Variants in TTC7A observed in about 807,000 individuals in gnomAD.
TTC7A encodes tetratricopeptide repeat protein 7A.
TTC7A carries 110 observed loss-of-function variants against 103.7 expected under a neutral mutation model. That is an observed-to-expected ratio of 1.06 (90% CI 0.91 to 1.24). The LOEUF (loss-of-function observed/expected upper bound fraction) is 1.24. TTC7A is among the 50% of genes most tolerant of loss of function. The pLI, the probability that TTC7A is intolerant of heterozygous loss-of-function variation, is 0.00. For synonymous variants in TTC7A, 521 were observed against 467.9 expected (o/e 1.11, Z -1.47); for missense variants, 1,340 against 1,116.3 (o/e 1.20, Z -2.86).
At chr2:47,022,170 AT>A in intron 12 of TTC7A, among the ~76,000 whole-genome samples, 191 bp downstream of exon 12, 1 of 151,956 alleles carries the variant, frequency 6.6e-6, no homozygotes, top group South Asian at 2.1e-4. Context: ...CCTCAGACCC[AT>A]TTCCACTGTT....
At chr2:46,929,232 C>G (rs1669566172) in intron 2 of TTC7A, among the ~76,000 whole-genome samples, 1 of 152,016 alleles carries the variant, frequency 6.6e-6, no homozygotes, top group Non-Finnish European at 1.5e-5. Flanking sequence ...GCATGTAATC[C>G]TAGCACTTTG....
rs1386777655 is a variant in TTC7A, at chr2:47,021,886, A to G, written c.1417A>G (p.Met473Val). The change falls in exon 12 of 20, where the codon ATG becomes GTG. Residue 473 changes from methionine (M) to valine (V), a missense_variant. Coordinates refer to ENST00000319190, the MANE Select transcript of TTC7A (RefSeq NM_020458.4). ...RWLEEAEHFA[M>V]MVISLGEEAG... is the part of the protein sequence containing the mutation. ...GCTAGAGGAAGCAGAGCACTTTGCCATGATGGTGATCAGCCTCGGAGAGGA... is the reference window on the plus strand; with the variant it reads ...GCTAGAGGAAGCAGAGCACTTTGCCGTGATGGTGATCAGCCTCGGAGAGGA... 2 of 1,614,154 alleles carry G rather than the reference A, an allele frequency of 1.2e-6. No individual in the cohort carries two copies. Among genetic ancestry groups the G allele is most frequent in the Non-Finnish European group, 8.5e-7 (1 of 1,179,980 alleles).
chr2:47,062,365 C>T (rs996329982), intron 19 of TTC7A, among the ~76,000 whole-genome samples: 1 of 152,214 alleles, frequency 6.6e-6, no homozygotes, highest in Non-Finnish European at 1.5e-5. Context: ...AATGTTCAGC[C>T]TCAAATGAAG....
rs192844951 is a variant in TTC7A, at chr2:47,063,892, G to T, written c.2355+2921G>T. On this transcript the variant is annotated intron_variant, in intron 19 of 19. Transcript: ENST00000319190. ...GCTGGGTTTGGCCCTGTAGTCCTTG[G>T]AGTGGGATTGGCAAGTGCCAAGAGG... 1.4e-3 allele frequency among the ~76,000 whole-genome samples: 214 copies of T among 152,370 alleles called. 3 individuals carry two copies. Among genetic ancestry groups the T allele is most frequent in the South Asian group, 4.3e-3 (21 of 4,830 alleles).
chr2:46,948,030 G>C (rs956314390), intron 1 of TTC7A, among the ~76,000 whole-genome samples: 2 of 152,186 alleles, frequency 1.3e-5, no homozygotes, highest in Non-Finnish European at 1.5e-5. Flanking sequence ...CAACCAAACA[G>C]CTCAACCAAG....
At chr2:47,024,600 TACA>T (rs1287651218) in intron 14 of TTC7A, among the ~76,000 whole-genome samples, 1 of 152,108 alleles carries the variant, frequency 6.6e-6, no homozygotes, top group Non-Finnish European at 1.5e-5. Flanking sequence ...TCACTCCCCC[TACA>T]ACATTTCAGT....
chr2:47,073,925 G>C lies in TTC7A; in HGVS notation c.*2G>C, dbSNP rs111657644. 1 of 1,608,052 alleles carries C rather than the reference G, an allele frequency of 6.2e-7. No homozygotes were observed. Among genetic ancestry groups the C allele is most frequent in the Non-Finnish European group, 8.5e-7 (1 of 1,177,018 alleles). On this transcript the variant is annotated 3_prime_UTR_variant, in exon 20 of 20. Coordinates refer to ENST00000319190, the MANE Select transcript of TTC7A (RefSeq NM_020458.4). ...TCCATCATCCCCAGAGAGCTCTGAC[G>C]ACGCTGCAGCCGCAGGGAGGGAGGG...
chr2:46,953,891 G>A (rs549151387), intron 2 of TTC7A, among the ~76,000 whole-genome samples: 11 of 151,256 alleles, frequency 7.3e-5, no homozygotes, highest in African/African-American at 2.7e-4. Context: ...TCAGATTCTG[G>A]GTTTCAAGCG....
At chr2:47,022,535 A>G (rs1035989046) in intron 12 of TTC7A, among the ~76,000 whole-genome samples, 1 of 152,182 alleles carries the variant, frequency 6.6e-6, no homozygotes, top group East Asian at 1.9e-4. Context: ...CAGCTCAGCC[A>G]TGTGTCTTAC....
intron 5 of TTC7A, among the ~76,000 whole-genome samples, chr2:46,982,551 C>G (rs1475687729): frequency 1.3e-5 from 2 of 152,266 alleles, no homozygotes; most frequent in Admixed American, 1.3e-4. Flanking sequence ...GTCCCTTGAG[C>G]TCTCTGAACC....
At chr2:46,981,897 C>G (rs1056593947) in intron 5 of TTC7A, among the ~76,000 whole-genome samples, 2 of 152,224 alleles carry the variant, frequency 1.3e-5, no homozygotes, top group African/African-American at 4.8e-5. Context: ...GAGGTCACTT[C>G]CAGGAGGCAG....
At chr2:47,046,867 C>T (rs1682379158) in intron 16 of TTC7A, 1 of 236,698 alleles carries the variant, frequency 4.2e-6, no homozygotes, top group East Asian at 1.1e-4. Context: ...ACTTGGGTCT[C>T]CTGAGTTCCA....
chr2:47,068,674 C>G (rs1394146143), intron 19 of TTC7A: 2 of 151,806 alleles, frequency 1.3e-5, no homozygotes, highest in African/African-American at 4.8e-5. Context: ...TCCCTACCCA[C>G]CTTATCCCTG....
chr2:47,015,551 T>A (rs1264506733), intron 11 of TTC7A, among the ~76,000 whole-genome samples: 1 of 152,156 alleles, frequency 6.6e-6, no homozygotes, highest in Non-Finnish European at 1.5e-5. Context: ...AGGGAGTAAT[T>A]TACCCTGTCT....
chr2:46,942,362 C>G (rs1036389508), intron 1 of TTC7A, among the ~76,000 whole-genome samples: 20 of 152,206 alleles, frequency 1.3e-4, no homozygotes, highest in Admixed American at 9.2e-4. Flanking sequence ...AACACCCCGC[C>G]CCAGTCTCTA....
intron 12 of TTC7A, among the ~76,000 whole-genome samples, chr2:47,022,802 C>T (rs1025463452): frequency 2.0e-5 from 3 of 152,168 alleles, no homozygotes; most frequent in Non-Finnish European, 4.4e-5. Flanking sequence ...AGACACCCTC[C>T]TTGTCCTTTT....
At chr2:47,060,455 T>G (rs2570514) in intron 18 of TTC7A, among the ~76,000 whole-genome samples, 103,025 of 152,046 alleles carry the variant, frequency 0.68, 35,640 homozygotes, top group Non-Finnish European at 0.74. Context: ...TAACAAAGGA[T>G]ACCCTGTCTC....
chr2:46,994,394 C>G lies in TTC7A; in HGVS notation c.881C>G (p.Ser294Cys), dbSNP rs1031562683. 11 of 1,613,966 alleles carry G rather than the reference C, an allele frequency of 6.8e-6. No individual in the cohort carries two copies. Among genetic ancestry groups the G allele is most frequent in the Admixed American group, 1.7e-5 (1 of 59,998 alleles). The stretch of plus-strand genomic sequence containing the variant: ...CACCTGGCGGGGGTCCTGCTGCACT[C>G]CCTGAGTGAGGAGTGCTACTGGAGC... ...AKHLAGVLLH[S>C]LSEECYWSPL... Residue 294 changes from serine to cysteine, a missense_variant, in exon 7 of 20, where the codon TCC (serine) becomes TGC (cysteine). Transcript: ENST00000319190.
At chr2:46,945,937 G>T (rs1001236855) in intron 1 of TTC7A, among the ~76,000 whole-genome samples, 3 of 152,204 alleles carry the variant, frequency 2.0e-5, no homozygotes, top group African/African-American at 7.2e-5. Context: ...GCGGGGAAGG[G>T]CCTGGTCTGA....
Sources: gnomAD v4.1 joint callset for allele counts (sites outside exome capture counted in the v4.1 genomes callset) on GRCh38, gnomAD v4.1.1 for gene constraint, MANE v1.5 for transcripts, NCBI Gene and HGNC (gene_info 2026-07-23, HGNC 2026-07-21) for gene names.